The following COL4A5 variants were observed in gnomAD, a reference collection of about 807,000 sequenced individuals.
COL4A5 encodes the protein collagen alpha-5(IV) chain.
COL4A5 carries 26 observed loss-of-function variants against 130.2 expected under a neutral mutation model. The observed-to-expected ratio is 0.20, with a 90% CI of 0.15 to 0.28. The LOEUF is 0.28. COL4A5 is among the 10% of genes least tolerant of loss of function. The pLI, the probability that COL4A5 is intolerant of heterozygous loss-of-function variation, is 1.00. For missense variants in COL4A5, 1,131 were observed against 1,344.3 expected, an observed-to-expected ratio of 0.84 and a Z score of 2.48; for synonymous variants, 496 against 439.6, an observed-to-expected ratio of 1.13 and a Z score of -1.60.
intron 1 of COL4A5, among the ~76,000 whole-genome samples, chrX:108,519,015 C>T: frequency 9.0e-6 from 1 of 111,731 alleles, no homozygotes; most frequent in Non-Finnish European, 1.9e-5. Flanking sequence ...CATTGGCTCT[C>T]TATTTCTTCA....
At chrX:108,453,511 G>C (rs2064551339) in intron 1 of COL4A5, among the ~76,000 whole-genome samples, 1 of 110,657 alleles carries the variant, frequency 9.0e-6, no homozygotes, top group African/African-American at 3.3e-5. Context: ...TGGGTTTATT[G>C]CCACTTGAAA....
intron 28 of COL4A5, among the ~76,000 whole-genome samples, chrX:108,605,817 A>G (rs1336296250): frequency 8.9e-6 from 1 of 112,050 alleles, no homozygotes; most frequent in African/African-American, 3.2e-5. Context: ...TCATTTCCAG[A>G]CCTTGTATAC....
intron 1 of COL4A5, among the ~76,000 whole-genome samples, chrX:108,457,608 G>T (rs1049512816): frequency 7.2e-5 from 8 of 110,688 alleles, no homozygotes; most frequent in Non-Finnish European, 5.7e-5. Context: ...AGTAAAATTC[G>T]CTATCTTTGG....
chrX:108,532,946 A>G (rs953311083), intron 1 of COL4A5, among the ~76,000 whole-genome samples: 3 of 112,171 alleles, frequency 2.7e-5, no homozygotes, highest in African/African-American at 9.7e-5. Flanking sequence ...TAATATTGTT[A>G]AAGTCATCGT....
intron 43 of COL4A5, among the ~76,000 whole-genome samples, chrX:108,676,723 A>T (rs1425186490): frequency 1.8e-5 from 2 of 112,248 alleles, no homozygotes; most frequent in Non-Finnish European, 3.8e-5. Flanking sequence ...GTTTGCTTAA[A>T]TTGCTATCTG....
chrX:108,473,613 G>GTATATATATATATATATATATATA (rs1230922272), intron 1 of COL4A5, among the ~76,000 whole-genome samples: 2 of 46,092 alleles, frequency 4.3e-5, no homozygotes, highest in Non-Finnish European at 8.9e-5. Flanking sequence ...ATATATATAT[G>GTATATATATATATATATATATATA]TATATATATA....
chrX:108,460,800 G>A (rs752017866), intron 1 of COL4A5, among the ~76,000 whole-genome samples: 294 of 105,845 alleles, frequency 2.8e-3, no homozygotes, highest in African/African-American at 9.5e-3. Flanking sequence ...GAGCCACCAC[G>A]TTTGGCTGAG....
rs746824408 is a variant in COL4A5 at position 108,680,874 on chromosome X, CT to C, written c.4016-9del. The C allele has an allele frequency of 1.7e-4, 201 of 1,207,668 alleles. No individual in the cohort carries two copies. In the East Asian group the frequency reaches 5.9e-3, roughly 35 times the overall value. ...TGCTTTGCCATAAAACTGTATGTAC[CT>C]TCTGTGCAGGCATGAAAGGACCCAG... On this transcript the variant is annotated splice_polypyrimidine_tract_variant and intron_variant, in intron 45 of 52. Coordinates refer to ENST00000328300, the MANE Select transcript of COL4A5 (RefSeq NM_033380.3).
intron 4 of COL4A5, among the ~76,000 whole-genome samples, chrX:108,567,090 CTT>C (rs2065986425): frequency 1.8e-5 from 2 of 111,324 alleles, no homozygotes; most frequent in Non-Finnish European, 3.8e-5. Context: ...CAATGTATAA[CTT>C]AACAAAATAA....
At chrX:108,574,176 A>G (rs2066109477) in intron 9 of COL4A5, among the ~76,000 whole-genome samples, 1 of 111,149 alleles carries the variant, frequency 9.0e-6, no homozygotes, top group Non-Finnish European at 1.9e-5. Context: ...TAGGAGGTCA[A>G]TTTCTTAGGG....
Position 108,696,298 on chromosome X carries a change from A to G in COL4A5, c.4996A>G (p.Lys1666Glu). ...ATTGTCTTATTTCTTATTTCCCAGT[A>G]AACCTCAGTCAGAAACGCTGAAAGC... ...ATVDVSDMFS[K>E]PQSETLKAGD... is the part of the protein sequence containing the mutation. Residue 1666 changes from lysine (K) to glutamate (E), a missense_variant and splice_region_variant, in exon 53 of 53, where the codon AAA (lysine) becomes GAA (glutamate). By Grantham distance (56) the Lys-to-Glu change is moderately conservative. Coordinates refer to ENST00000328300, the MANE Select transcript of COL4A5 (RefSeq NM_033380.3). 1.7e-6 allele frequency: 2 copies of G among 1,204,809 alleles called. No homozygotes were observed. The highest frequency in any genetic ancestry group is 2.2e-6 in the Non-Finnish European group (2 of 889,011).
intron 1 of COL4A5, among the ~76,000 whole-genome samples, chrX:108,526,667 CTTTCTCTTTCTT>C (rs2065325868): frequency 1.1e-4 from 5 of 45,371 alleles, no homozygotes; most frequent in East Asian, 1.6e-3. Flanking sequence ...TTTCTTCTTT[CTTTCTCTTTCTT>C]TCTTTCTTTC....
chrX:108,628,454 T>A (rs947566428), intron 36 of COL4A5, among the ~76,000 whole-genome samples: 3 of 111,606 alleles, frequency 2.7e-5, no homozygotes, highest in Admixed American at 9.6e-5. Context: ...TTAAAAAATT[T>A]TACCAATCTA....
At position 108,449,969 on chromosome X, in the gene COL4A5, G is replaced by T. The variant is rs748946584; in HGVS notation, c.81+9763G>T. 3.6e-5 allele frequency among the ~76,000 whole-genome samples: 4 copies of T among 111,905 alleles called. No individual in the cohort carries two copies. In the East Asian group the frequency reaches 8.4e-4, roughly 23 times the overall value. On this transcript the variant is annotated intron_variant, in intron 1 of 52. Coordinates refer to ENST00000328300, the MANE Select transcript of COL4A5 (RefSeq NM_033380.3). The stretch of plus-strand genomic sequence containing the variant: ...TTCTCACTATGTTGACATTTGCACT[G>T]ATGGTGAGTAAAATTACTGGTGCAG...
At chrX:108,442,537 A>C in intron 1 of COL4A5, among the ~76,000 whole-genome samples, 1 of 111,899 alleles carries the variant, frequency 8.9e-6, no homozygotes, top group South Asian at 3.7e-4. Context: ...AGATTTGTGG[A>C]TGTGGGTAGT....
rs923186153 is a variant in COL4A5 at position 108,680,934 on chromosome X, A to G, written c.4065A>G (p.Glu1355=). The change falls in exon 46 of 53, where the codon GAA becomes GAG. Residue 1355 remains glutamate (E), a synonymous_variant. Coordinates refer to ENST00000328300, the MANE Select transcript of COL4A5 (RefSeq NM_033380.3). ...GVPGSAGPEG[E]PGLIGPPGPP... ...CTGGATCAGCTGGCCCTGAGGGGGA[A>G]CCGGGACTTATTGGTCCTCCAGGTA... 1.7e-6 allele frequency: 2 copies of G among 1,209,631 alleles called. No homozygotes were observed. Among genetic ancestry groups the G allele is most frequent in the South Asian group, 1.8e-5 (1 of 56,946 alleles).
chrX:108,633,597 GTC>G (rs1250565142), intron 36 of COL4A5, among the ~76,000 whole-genome samples: 1 of 110,270 alleles, frequency 9.1e-6, no homozygotes, highest in Non-Finnish European at 1.9e-5. Flanking sequence ...ATAATAAATT[GTC>G]TCTACATTTT....
At chrX:108,611,462 T>C (rs1709687189) in intron 29 of COL4A5, among the ~76,000 whole-genome samples, 1 of 110,962 alleles carries the variant, frequency 9.0e-6, no homozygotes, top group Non-Finnish European at 1.9e-5. Context: ...TTGGAAATGT[T>C]GAAAGAAATA....
intron 30 of COL4A5, among the ~76,000 whole-genome samples, chrX:108,618,472 C>A (rs1350360705): frequency 9.0e-6 from 1 of 111,361 alleles, no homozygotes; most frequent in Non-Finnish European, 1.9e-5. Context: ...TTATTTAAAT[C>A]ATTAAGTCAG....
Sources: gnomAD v4.1 joint callset for allele counts (sites outside exome capture counted in the v4.1 genomes callset) on GRCh38, gnomAD v4.1.1 for gene constraint, MANE v1.5 for transcripts, NCBI Gene and HGNC (gene_info 2026-07-23, HGNC 2026-07-21) for gene names.